The following SLC2A9 variants were observed in gnomAD, a reference collection of about 807,000 sequenced individuals.
SLC2A9 encodes the protein solute carrier family 2, facilitated glucose transporter member 9.
In SLC2A9, 39 loss-of-function variants were observed where a neutral mutation model predicts 50.6. The observed-to-expected ratio is 0.77, with a 90% confidence interval of 0.60 to 1.01. The LOEUF is 1.01. SLC2A9 is among the 50% of genes least tolerant of loss of function. SLC2A9 has a pLI of 0.00. For missense variants in SLC2A9, 686 were observed against 677.6 expected, an observed-to-expected ratio of 1.01 and a Z score of -0.14; for synonymous variants, 324 against 276.9, an observed-to-expected ratio of 1.17 and a Z score of -1.69.
chr4:10,028,054 T>C (rs1763812611), intron 1 of SLC2A9, among the ~76,000 whole-genome samples: 1 of 152,174 alleles, frequency 6.6e-6, no homozygotes, highest in Non-Finnish European at 1.5e-5. Context: ...TCCCATTAAA[T>C]TCCCTTTCTG....
chr4:10,005,240 G>A lies in SLC2A9; in HGVS notation c.250-8299C>T, dbSNP rs142666118. Among the ~76,000 whole-genome samples the A allele has an allele frequency of 7.5e-4, 114 of 152,326 alleles. 1 individual carries two copies. The highest frequency in any genetic ancestry group is 2.4e-3 in the African/African-American group (98 of 41,576). ...AGTCAAGCAAGCAAGAAGGGCAGAC[G>A]GAGTGGGCTCAGTTACAGGACGACA... On this transcript the variant is annotated intron_variant, in intron 2 of 11. Coordinates refer to ENST00000264784, the MANE Select transcript of SLC2A9 (RefSeq NM_020041.3).
In SLC2A9 at chr4:9,952,914, C is replaced by T. The variant is rs193169938; in HGVS notation, c.682-10869G>A. 1.1e-3 allele frequency among the ~76,000 whole-genome samples: 168 copies of T among 152,246 alleles called. 1 individual carries two copies. Among genetic ancestry groups the T allele is most frequent in the African/African-American group, 3.8e-3 (159 of 41,532 alleles). ...GGAAGAGATTTCTGCATTCCAGAAG[C>T]GGTCGGGTCATTTTCTGCTATGGTC... On this transcript the variant is annotated intron_variant, in intron 5 of 11. Coordinates refer to ENST00000264784, the MANE Select transcript of SLC2A9 (RefSeq NM_020041.3).
intron 1 of SLC2A9, among the ~76,000 whole-genome samples, chr4:10,030,075 C>A (rs890688999): frequency 1.3e-5 from 2 of 152,052 alleles, no homozygotes; most frequent in Non-Finnish European, 2.9e-5. Context: ...TATATGAATA[C>A]CCAAAACATG....
intron 3 of SLC2A9, among the ~76,000 whole-genome samples, chr4:9,992,802 T>C (rs558713330): frequency 2.0e-5 from 3 of 152,360 alleles, no homozygotes; most frequent in African/African-American, 7.2e-5. Context: ...CCAGTTTGCT[T>C]TGGGTTCCTG....
At chr4:9,868,110 G>C (rs884573) in intron 10 of SLC2A9, among the ~76,000 whole-genome samples, 25,551 of 152,240 alleles carry the variant, frequency 0.17, 2,257 homozygotes, top group Admixed American at 0.24. Context: ...ACCCGGGATA[G>C]TCCCATGCCC....
At chr4:9,995,390 A>G (rs578178961) in intron 3 of SLC2A9, among the ~76,000 whole-genome samples, 1 of 152,328 alleles carries the variant, frequency 6.6e-6, no homozygotes, top group Non-Finnish European at 1.5e-5. Flanking sequence ...GGATGTTTTC[A>G]GGGTGGCTTC....
At chr4:9,999,741 C>T (rs1759434210) in intron 2 of SLC2A9, among the ~76,000 whole-genome samples, 1 of 151,942 alleles carries the variant, frequency 6.6e-6, no homozygotes, top group Admixed American at 6.6e-5. Context: ...GGGTTTTTGG[C>T]AGGGGGAGGA....
Position 9,810,075 on chromosome 4 carries a change from T to C in SLC2A9, n.421-10834A>G, listed in dbSNP as rs1327669396. Among the ~76,000 whole-genome samples, 5 of 152,278 alleles carry C rather than the reference T, an allele frequency of 3.3e-5. No individual in the cohort carries two copies. The East Asian group carries it at 9.7e-4, about 29-fold the overall frequency. ...CATCACCATGTTCTAATTGTTGGCATTGCACTGATCACCATTTGACCTATT... is the reference window on the plus strand; with the variant it reads ...CATCACCATGTTCTAATTGTTGGCACTGCACTGATCACCATTTGACCTATT... On this transcript the variant is annotated intron_variant and non_coding_transcript_variant, in intron 3 of 3. Coordinates refer to the SLC2A9 transcript ENST00000503280.
chr4:10,028,723 T>C (rs1035799253), intron 1 of SLC2A9, among the ~76,000 whole-genome samples: 2 of 152,188 alleles, frequency 1.3e-5, no homozygotes, highest in African/African-American at 2.4e-5. Context: ...CCAGGGAACA[T>C]TCCTGCCAAA....
intron 10 of SLC2A9, chr4:9,879,604 G>A (rs915808104): frequency 2.7e-5 from 27 of 985,190 alleles, no homozygotes; most frequent in African/African-American, 1.6e-4. Flanking sequence ...CATCAGGACC[G>A]CTCCATCTTC....
chr4:10,018,133 G>A (rs977438424), intron 2 of SLC2A9, among the ~76,000 whole-genome samples: 4 of 152,224 alleles, frequency 2.6e-5, no homozygotes, highest in Admixed American at 6.5e-5. Context: ...CAAACCAGAG[G>A]CACAATGTGA....
intron 3 of SLC2A9, among the ~76,000 whole-genome samples, chr4:9,821,008 A>G (rs1384475614): frequency 6.6e-6 from 1 of 152,116 alleles, no homozygotes; most frequent in Non-Finnish European, 1.5e-5. Context: ...TTTGTTCCTG[A>G]TCTTAGGGGA....
intron 2 of SLC2A9, among the ~76,000 whole-genome samples, chr4:10,007,987 G>A (rs1489132911): frequency 6.6e-6 from 1 of 152,202 alleles, no homozygotes; most frequent in Admixed American, 6.5e-5. Flanking sequence ...CTATGGGTCA[G>A]AAATAGGGTG....
At chr4:10,040,201 A>G (rs1228351806) in exon 1 of SLC2A9, 4 of 152,224 alleles carry the variant, frequency 2.6e-5, no homozygotes, top group Non-Finnish European at 5.9e-5. Context: ...GCCCCTCTGG[A>G]GTCCAGAATG....
chr4:9,856,050 C>T (rs979277886), intron 10 of SLC2A9, among the ~76,000 whole-genome samples: 1 of 152,008 alleles, frequency 6.6e-6, no homozygotes, highest in African/African-American at 2.4e-5. Context: ...GGACATAGGC[C>T]CTGGCACAGA....
upstream of SLC2A9, chr4:10,025,972 A>G (rs1414150513): frequency 1.9e-6 from 3 of 1,613,872 alleles, no homozygotes; most frequent in African/African-American, 4.0e-5. Context: ...TTCATGGTTC[A>G]CTTTTCAGGT....
At chr4:9,863,732 T>A (rs1354841797) in intron 10 of SLC2A9, among the ~76,000 whole-genome samples, 1 of 152,072 alleles carries the variant, frequency 6.6e-6, no homozygotes, top group African/African-American at 2.4e-5. Flanking sequence ...ACCTGATGAA[T>A]GAGACTTCAC....
At chr4:9,776,825 T>A (rs1211593665), downstream of SLC2A9, among the ~76,000 whole-genome samples, 1 of 152,180 alleles carries the variant, frequency 6.6e-6, no homozygotes, top group Non-Finnish European at 1.5e-5. Context: ...ATTCCAGGTA[T>A]CTGGAACTTA....
intron 5 of SLC2A9, among the ~76,000 whole-genome samples, chr4:9,947,002 T>C (rs1269804884): frequency 6.6e-6 from 1 of 152,204 alleles, no homozygotes; most frequent in Admixed American, 6.5e-5. Flanking sequence ...AAGCCTGCTT[T>C]AGGCTAGAAG....
Sources: gnomAD v4.1 joint callset for allele counts (sites outside exome capture counted in the v4.1 genomes callset) on GRCh38, gnomAD v4.1.1 for gene constraint, MANE v1.5 for transcripts, NCBI Gene and HGNC (gene_info 2026-07-23, HGNC 2026-07-21) for gene names.